SPDYE10: variants seen among roughly 807,000 people sequenced by gnomAD.
SPDYE10 encodes speedy protein E10.
chr7:73,114,929 C>A, the SPDYE10 span, among the ~76,000 whole-genome samples: 2 of 142,894 alleles, frequency 1.4e-5, no homozygotes, highest in African/African-American at 5.3e-5. Context: ...TTTTTTGAGA[C>A]GGAGTCTCGC....
At chr7:73,145,145 TTTC>T in the SPDYE10 span, among the ~76,000 whole-genome samples, 2 of 101,084 alleles carry the variant, frequency 2.0e-5, no homozygotes, top group Non-Finnish European at 2.3e-5. Flanking sequence ...TCTTTCTCTT[TTTC>T]TTTCTTTCTT....
the SPDYE10 span, among the ~76,000 whole-genome samples, chr7:73,147,654 C>T: frequency 2.7e-5 from 4 of 150,042 alleles, no homozygotes; most frequent in African/African-American, 7.5e-5. Context: ...ACCACCATGC[C>T]CTGCTAACTT....
chr7:73,113,672 T>G, the SPDYE10 span, among the ~76,000 whole-genome samples: 1 of 151,904 alleles, frequency 6.6e-6, no homozygotes, highest in Admixed American at 6.5e-5. Context: ...AGCAGGTGGA[T>G]CGCTTGAGGT....
chr7:73,150,950 T>TATA, the SPDYE10 span, among the ~76,000 whole-genome samples: 2 of 17,000 alleles, frequency 1.2e-4, no homozygotes, highest in Admixed American at 9.2e-4. Flanking sequence ...ATATATATAT[T>TATA]TTTTTTTTTT....
chr7:73,152,097 C>T, the SPDYE10 span, among the ~76,000 whole-genome samples: 1 of 146,538 alleles, frequency 6.8e-6, no homozygotes, highest in South Asian at 2.2e-4. Flanking sequence ...TCACTGCAAC[C>T]TCTGCCTCCC....
At chr7:73,116,808 T>A in the SPDYE10 span, among the ~76,000 whole-genome samples, 3 of 150,760 alleles carry the variant, frequency 2.0e-5, no homozygotes, top group Non-Finnish European at 2.9e-5. Flanking sequence ...CTCAAGCTCC[T>A]GGGCTCAAGC....
chr7:73,137,634 G>GAAAGAA, the SPDYE10 span, among the ~76,000 whole-genome samples: 1 of 137,542 alleles, frequency 7.3e-6, no homozygotes, highest in Non-Finnish European at 1.6e-5. Context: ...AAGAAAGAAA[G>GAAAGAA]AAAGAAAGGA....
chr7:73,114,639 C>T, the SPDYE10 span, among the ~76,000 whole-genome samples: 705 of 140,038 alleles, frequency 5.0e-3, 2 homozygotes, highest in African/African-American at 0.017. Context: ...CGGGTTCGAG[C>T]GATTCTCTGA....
chr7:73,111,124 G>GGGATCTA, the SPDYE10 span: 1 of 1,588,630 alleles, frequency 6.3e-7, no homozygotes, highest in Non-Finnish European at 8.5e-7. Flanking sequence ...GTGGGGGGCT[G>GGGATCTA]GGATCTACCC....
At chr7:73,150,907 A>AAAATATATATAT in the SPDYE10 span, among the ~76,000 whole-genome samples, 1 of 11,576 alleles carries the variant, frequency 8.6e-5, no homozygotes, top group Non-Finnish European at 1.4e-4. Context: ...AAAAAAAAAA[A>AAAATATATATAT]ATATATATAT....
chr7:73,114,790 G>A, the SPDYE10 span, among the ~76,000 whole-genome samples: 38 of 150,220 alleles, frequency 2.5e-4, no homozygotes, highest in Admixed American at 1.4e-3. Flanking sequence ...TGCCCACCTC[G>A]GCCTCCCAAA....
At chr7:73,126,796 C>T in the SPDYE10 span, among the ~76,000 whole-genome samples, 1 of 150,730 alleles carries the variant, frequency 6.6e-6, no homozygotes, top group Non-Finnish European at 1.5e-5. Flanking sequence ...TCCCAAGTAA[C>T]TGGGACTACA....
chr7:73,113,841 C>G, the SPDYE10 span, among the ~76,000 whole-genome samples: 410 of 151,856 alleles, frequency 2.7e-3, no homozygotes, highest in African/African-American at 9.2e-3. Context: ...CGAGACCATC[C>G]TGGCTAACAC....
chr7:73,138,590 G>GATGGTCTCAATCTCTTGA, the SPDYE10 span, among the ~76,000 whole-genome samples: 1 of 151,374 alleles, frequency 6.6e-6, no homozygotes, highest in Non-Finnish European at 1.5e-5. Context: ...TGTTGGCCAG[G>GATGGTCTCAATCTCTTGA]ATGGTCTCAA....
the SPDYE10 span, among the ~76,000 whole-genome samples, chr7:73,115,482 A>C: frequency 6.7e-6 from 1 of 148,718 alleles, no homozygotes; most frequent in Non-Finnish European, 1.5e-5. Flanking sequence ...TTCCTTCCCC[A>C]CAGCTGTATC....
chr7:73,137,613 AG>A, the SPDYE10 span, among the ~76,000 whole-genome samples: 1 of 142,812 alleles, frequency 7.0e-6, no homozygotes, highest in Non-Finnish European at 1.5e-5. Flanking sequence ...AAAGAAAGAA[AG>A]AAAGAAAGAA....
the SPDYE10 span, among the ~76,000 whole-genome samples, chr7:73,128,206 T>C: frequency 3.3e-5 from 5 of 151,460 alleles, no homozygotes; most frequent in East Asian, 1.9e-4. Context: ...AAGTCATTAG[T>C]AGTGAGCAAA....
chr7:73,143,518 G>GC, the SPDYE10 span, among the ~76,000 whole-genome samples: 66 of 150,044 alleles, frequency 4.4e-4, no homozygotes, highest in African/African-American at 1.4e-3. Flanking sequence ...TGAGGCATCT[G>GC]CCCCCATGAC....
At chr7:73,149,562 C>T in the SPDYE10 span, among the ~76,000 whole-genome samples, 1 of 152,118 alleles carries the variant, frequency 6.6e-6, no homozygotes, top group African/African-American at 2.4e-5. Context: ...GCTGGGATTA[C>T]AGGCGTGAGC....
Sources: allele counts gnomAD v4.1 joint callset (sites outside exome capture counted in the v4.1 genomes callset), GRCh38; gene constraint gnomAD v4.1.1; transcripts MANE v1.5; gene names NCBI Gene and HGNC (gene_info 2026-07-23, HGNC 2026-07-21).